Variants in ARHGEF7 observed in about 807,000 individuals in gnomAD.
The protein encoded by ARHGEF7 is Rho guanine nucleotide exchange factor 7.
In ARHGEF7, 33 loss-of-function variants were observed where a neutral mutation model predicts 109.8. The ratio of observed to expected loss-of-function variants is 0.30; its 90% CI spans 0.23 to 0.40. The LOEUF (loss-of-function observed/expected upper bound fraction) is 0.40. Ranked by LOEUF, ARHGEF7 falls within the 10% of genes least tolerant of loss-of-function variation. ARHGEF7 has a pLI of 1.00. For synonymous variants in ARHGEF7, 458 were observed against 424.6 expected (o/e 1.08, Z -0.97); for missense variants, 938 against 1,098.5 (o/e 0.85, Z 2.07).
chr13:111,271,426 TG>T (rs2092137927), intron 9 of ARHGEF7, among the ~76,000 whole-genome samples: 1 of 152,334 alleles, frequency 6.6e-6, no homozygotes, highest in African/African-American at 2.4e-5. Flanking sequence ...GGTGTGCTCA[TG>T]GGCTCATGTC....
chr13:111,163,601 A>G (rs566025187), intron 2 of ARHGEF7, among the ~76,000 whole-genome samples: 4 of 152,184 alleles, frequency 2.6e-5, no homozygotes, highest in South Asian at 4.2e-4. Flanking sequence ...GTCTCACTCT[A>G]TTACCCAGGC....
At position 111,272,900 on chromosome 13, in the gene ARHGEF7, C is replaced by T. The variant is rs1386373453; in HGVS notation, c.1074-914C>T. Among the ~76,000 whole-genome samples, 3 of 152,096 alleles carry T rather than the reference C, an allele frequency of 2.0e-5. No homozygotes were observed. The highest frequency in any genetic ancestry group is 4.4e-5 in the Non-Finnish European group (3 of 68,030). Reference sequence around the variant, plus strand: ...CAAACGTGTGGGTGAAGAGCTGGACCCCCCACAGAAGCCTGCCCGTGTCCT... The same window carrying T: ...CAAACGTGTGGGTGAAGAGCTGGACTCCCCACAGAAGCCTGCCCGTGTCCT... On this transcript the variant is annotated intron_variant, in intron 9 of 21. Coordinates refer to ENST00000646102, the MANE Select transcript of ARHGEF7 (RefSeq NM_001354046.2). The surrounding 1 kb of genome is among the most constrained non-coding windows in gnomAD (Gnocchi z 5.2).
At position 111,119,197 on chromosome 13, in the gene ARHGEF7, C is replaced by T. The variant is rs143850551; in HGVS notation, c.165+3506C>T. On this transcript the variant is annotated intron_variant, in intron 1 of 21. Coordinates refer to ENST00000646102, the MANE Select transcript of ARHGEF7 (RefSeq NM_001354046.2). Reference sequence around the variant, plus strand: ...AAATTCCTCCTTTTTAGCAGGACATCAGTGGAATTGCATTAGGGGCACCCT... The same window carrying T: ...AAATTCCTCCTTTTTAGCAGGACATTAGTGGAATTGCATTAGGGGCACCCT... Among the ~76,000 whole-genome samples, 57 of 152,296 alleles carry T rather than the reference C, an allele frequency of 3.7e-4. No individual in the cohort carries two copies. The East Asian group carries it at 6.8e-3, about 18-fold the overall frequency.
chr13:111,252,212 A>G (rs1047246889), intron 8 of ARHGEF7, among the ~76,000 whole-genome samples: 3 of 152,242 alleles, frequency 2.0e-5, no homozygotes, highest in African/African-American at 7.2e-5. Flanking sequence ...AAAAACCACC[A>G]ATAAACTTTT....
At chr13:111,156,168 A>C (rs1015208330) in intron 2 of ARHGEF7, among the ~76,000 whole-genome samples, 2 of 151,164 alleles carry the variant, frequency 1.3e-5, no homozygotes, top group Non-Finnish European at 2.9e-5. Context: ...TCATACAGTA[A>C]CTATTGTTTT....
At chr13:111,153,600 C>T (rs1595089688) in intron 1 of ARHGEF7, 1 of 1,141,416 alleles carries the variant, frequency 8.8e-7, no homozygotes, top group African/African-American at 1.7e-5. Flanking sequence ...CCGACGCTAT[C>T]CGAAGACGTC....
chr13:111,269,206 T>C (rs1170624814), intron 9 of ARHGEF7, among the ~76,000 whole-genome samples: 2 of 152,252 alleles, frequency 1.3e-5, no homozygotes, highest in African/African-American at 4.8e-5. Context: ...TTTCTAGTTA[T>C]GCGCTATGCC....
chr13:111,153,577 C>G, intron 1 of ARHGEF7: 3 of 1,070,322 alleles, frequency 2.8e-6, no homozygotes, highest in Non-Finnish European at 3.4e-6. Flanking sequence ...GCTGCGTCCG[C>G]GGGGGCGAAC....
At chr13:111,294,839 A>G (rs759437731) in intron 19 of ARHGEF7, 8 of 985,732 alleles carry the variant, frequency 8.1e-6, no homozygotes, top group Non-Finnish European at 9.6e-6. Context: ...AGCCATCACC[A>G]GGCCTTTGCA....
Position 111,266,762 on chromosome 13 carries a change from G to A in ARHGEF7, c.951-786G>A. 1 of 455,162 alleles carries A rather than the reference G, an allele frequency of 2.2e-6. No individual in the cohort carries two copies. The highest frequency in any genetic ancestry group is 2.3e-5 in the Admixed American group (1 of 42,556). 28.2% of individuals were successfully genotyped at this position (455,162 alleles called of 1,614,324 possible). On this transcript the variant is annotated intron_variant, in intron 8 of 21. Transcript: ENST00000646102. The surrounding 1 kb of genome is among the most constrained non-coding windows in gnomAD (Gnocchi z 4.8). ...CTTCTGGTAATATTGTGGGTATCTG[G>A]GGAGCAAAGACACCCTGGGGTGCAG...
chr13:111,292,489 C>T (rs1038994391), intron 19 of ARHGEF7, 195 bp downstream of exon 19: 7 of 1,433,090 alleles, frequency 4.9e-6, no homozygotes, highest in East Asian at 5.0e-5. Context: ...GCTTAACTGC[C>T]GATGCGAGTA....
At position 111,283,208 on chromosome 13, in the gene ARHGEF7, T is replaced by C; in HGVS notation, c.1795T>C (p.Tyr599His). The C allele has an allele frequency of 1.3e-6, 2 of 1,597,426 alleles. No homozygotes were observed. Among genetic ancestry groups the C allele is most frequent in the Non-Finnish European group, 1.7e-6 (2 of 1,173,442 alleles). Reference sequence around the variant, plus strand: ...CAAGCCCGCGCCGCTGACGCCCGCCTACCACACGCTGCCCCACCCCTCCCA... The same window carrying C: ...CAAGCCCGCGCCGCTGACGCCCGCCCACCACACGCTGCCCCACCCCTCCCA... Reference protein sequence around the residue: ...DSKPAPLTPAYHTLPHPSHHG... With the variant: ...DSKPAPLTPAHHTLPHPSHHG... Residue 599 changes from tyrosine (Y) to histidine (H), a missense_variant, in exon 16 of 22, where the codon TAC becomes CAC. Tyr to His is a moderately conservative substitution (Grantham distance 83, BLOSUM62 2). Transcript: ENST00000646102.
At position 111,244,299 on chromosome 13, in the gene ARHGEF7, G is replaced by GT. The variant is rs1337814837; in HGVS notation, c.950+6dup. On this transcript the variant is annotated splice_donor_region_variant and intron_variant, in intron 8 of 21. Transcript: ENST00000646102. ...GTCTTTAGAAGAATGCACCAAGTAA[G>GT]TAAGATGCTAAAAATTTGCAACACT... 1.9e-6 allele frequency: 3 copies of GT among 1,565,914 alleles called. No homozygotes were observed. The highest frequency in any genetic ancestry group is 2.7e-5 in the African/African-American group (2 of 72,964).
intron 2 of ARHGEF7, among the ~76,000 whole-genome samples, chr13:111,167,296 A>G (rs569058002): frequency 6.6e-6 from 1 of 152,318 alleles, no homozygotes; most frequent in South Asian, 2.1e-4. Flanking sequence ...GTTGTATTTT[A>G]TATTTCTTTT....
At chr13:111,204,692 G>A (rs1173705390) in intron 2 of ARHGEF7, among the ~76,000 whole-genome samples, 5 of 152,146 alleles carry the variant, frequency 3.3e-5, no homozygotes, top group Admixed American at 1.3e-4. Context: ...GAGGGGATGC[G>A]GTTGTGGGCT....
intron 17 of ARHGEF7, among the ~76,000 whole-genome samples, chr13:111,287,004 T>TCAC (rs2093047229): frequency 1.3e-5 from 2 of 152,144 alleles, no homozygotes. Flanking sequence ...CCTTCACTGC[T>TCAC]CACTTCCTCC....
At chr13:111,302,209 T>C (rs942649) in intron 21 of ARHGEF7, among the ~76,000 whole-genome samples, 141,871 of 152,186 alleles carry the variant, frequency 0.93, 66,159 homozygotes, top group Middle Eastern at 0.97. Context: ...GTGTTCTGGG[T>C]ATTGCACGGA....
intron 19 of ARHGEF7, chr13:111,294,659 T>C: frequency 1.0e-6 from 1 of 985,450 alleles, no homozygotes; most frequent in African/African-American, 1.7e-5. Context: ...GAAAAGACAG[T>C]TCTCCTGTGG....
At chr13:111,132,957 TAC>T (rs2074843445) in intron 1 of ARHGEF7, among the ~76,000 whole-genome samples, 2 of 152,052 alleles carry the variant, frequency 1.3e-5, no homozygotes, top group Non-Finnish European at 2.9e-5. Context: ...TCTATGCATA[TAC>T]ACACATGCAT....
Sources: gnomAD v4.1 joint callset for allele counts (sites outside exome capture counted in the v4.1 genomes callset) on GRCh38, gnomAD v4.1.1 for gene constraint, Gnocchi (gnomAD v3.1) non-coding constraint, MANE v1.5 for transcripts, NCBI Gene and HGNC (gene_info 2026-07-23, HGNC 2026-07-21) for gene names.